The following TERF1 variants were observed in gnomAD, a reference collection of about 807,000 sequenced individuals.
TERF1 encodes the protein telomeric repeat binding factor 1, also known as telomeric repeat-binding factor 1.
A neutral mutation model predicts 55.1 loss-of-function variants in TERF1; 20 were observed. That is an observed-to-expected ratio of 0.36 (90% CI 0.26 to 0.53). The LOEUF is 0.53. TERF1 is among the 20% of genes least tolerant of loss of function. TERF1 has a pLI of 0.91. For synonymous variants in TERF1, 168 were observed against 181.2 expected (o/e 0.93, Z 0.59); for missense variants, 439 against 535.7 (o/e 0.82, Z 1.78).
At chr8:73,033,968 CAG>C (rs1161838464) in intron 8 of TERF1, among the ~76,000 whole-genome samples, 7 of 152,008 alleles carry the variant, frequency 4.6e-5, no homozygotes, top group Non-Finnish European at 5.9e-5. Flanking sequence ...TTTTTGGAGA[CAG>C]AGTCTTACTT....
chr8:73,035,824 A>T (rs1321192738), intron 8 of TERF1, among the ~76,000 whole-genome samples: 1 of 152,100 alleles, frequency 6.6e-6, no homozygotes, highest in East Asian at 1.9e-4. Context: ...TCAACATCCC[A>T]TGTTTGTAGT....
chr8:73,016,781 T>C (rs1011067279), intron 2 of TERF1, among the ~76,000 whole-genome samples: 9 of 152,122 alleles, frequency 5.9e-5, no homozygotes, highest in African/African-American at 1.9e-4. Flanking sequence ...CCAATCATGT[T>C]TGCAGTTTCT....
intron 9 of TERF1, among the ~76,000 whole-genome samples, chr8:73,041,233 A>G (rs567746419): frequency 6.6e-6 from 1 of 152,248 alleles, no homozygotes; most frequent in East Asian, 1.9e-4. Context: ...GTGAGGTTTT[A>G]TGTTTATCTG....
chr8:73,014,825 G>A (rs1389242117), intron 2 of TERF1, among the ~76,000 whole-genome samples: 3 of 152,324 alleles, frequency 2.0e-5, no homozygotes, highest in African/African-American at 7.2e-5. Context: ...TGTTTGGGGG[G>A]TGAGGGTAGG....
chr8:73,016,361 C>T (rs1452841754), intron 2 of TERF1, among the ~76,000 whole-genome samples: 1 of 151,466 alleles, frequency 6.6e-6, no homozygotes, highest in African/African-American at 2.4e-5. Flanking sequence ...TGGCTGTAGA[C>T]CCCCACGTAG....
Position 73,047,281 on chromosome 8 carries a change from C to T in TERF1, c.*1144C>T. 1 of 151,996 alleles carries T rather than the reference C, an allele frequency of 6.6e-6. No homozygotes were observed. Among genetic ancestry groups the T allele is most frequent in the South Asian group, 2.1e-4 (1 of 4,820 alleles). 9.4% of individuals were successfully genotyped at this position (151,996 alleles called of 1,614,324 possible). A position where few individuals can be genotyped will look rare whatever the true frequency, so the allele number is the denominator to read the frequency against. ...AATCATTTTGTGTCTCATTTAGAAA[C>T]AATTTGACTTTTGTTCCAGTGTTTA... On this transcript the variant is annotated 3_prime_UTR_variant, in exon 10 of 10. Transcript: ENST00000276603.
At chr8:73,039,285 A>G (rs1809735224) in intron 9 of TERF1, 66 bp downstream of exon 9, 3 of 1,182,880 alleles carry the variant, frequency 2.5e-6, no homozygotes, top group Admixed American at 5.7e-5. Flanking sequence ...AATAATTGTG[A>G]TTATTTCTGT....
intron 4 of TERF1, among the ~76,000 whole-genome samples, chr8:73,023,728 A>G (rs541709389): frequency 6.6e-6 from 1 of 152,350 alleles, no homozygotes; most frequent in East Asian, 1.9e-4. Context: ...CATTAGGGCA[A>G]TATTAAGTAC....
intron 3 of TERF1, 137 bp downstream of exon 3, chr8:73,020,942 A>G (rs1354462756): frequency 6.2e-6 from 4 of 646,498 alleles, no homozygotes; most frequent in Admixed American, 6.5e-5. Context: ...CCTTTGGTTT[A>G]TAGTCTTAAC....
In TERF1 at chr8:73,032,852, G is replaced by A. The variant is rs578111195; in HGVS notation, c.1039+719G>A. ...TTATTGACCCCACAGTAATATTTTA[G>A]GTACTGAACTGATACTGAGATTTTT... On this transcript the variant is annotated intron_variant, in intron 8 of 9. Transcript: ENST00000276603. Among the ~76,000 whole-genome samples the A allele has an allele frequency of 4.0e-3, 615 of 151,982 alleles. 3 individuals are homozygous for A. Among genetic ancestry groups the A allele is most frequent in the Middle Eastern group, 0.014 (4 of 294 alleles).
chr8:73,024,110 C>G (rs1047851007), intron 4 of TERF1, among the ~76,000 whole-genome samples: 1 of 152,050 alleles, frequency 6.6e-6, no homozygotes, highest in Non-Finnish European at 1.5e-5. Flanking sequence ...AAGCTACTGT[C>G]CAAGAAAAAC....
intron 8 of TERF1, among the ~76,000 whole-genome samples, chr8:73,036,215 C>G (rs1809500192): frequency 6.6e-6 from 1 of 152,154 alleles, no homozygotes. Flanking sequence ...GTACCCTCTC[C>G]CAGGAGAGAG....
At chr8:73,024,119 A>G (rs1276463448) in intron 4 of TERF1, among the ~76,000 whole-genome samples, 2 of 152,218 alleles carry the variant, frequency 1.3e-5, no homozygotes, top group Non-Finnish European at 2.9e-5. Context: ...TCCAAGAAAA[A>G]CACATACAAT....
Position 73,030,390 on chromosome 8 carries a change from A to G in TERF1, c.942A>G (p.Leu314=), listed in dbSNP as rs760878637. ...VTESSEGTVS[L]LRSHKNLFLS... Reference sequence around the variant, plus strand: ...AATCCTCAGAGGGTACAGTATCCTTATTGAGGTGAAGTAAATTGACGTTTT... The same window carrying G: ...AATCCTCAGAGGGTACAGTATCCTTGTTGAGGTGAAGTAAATTGACGTTTT... The change falls in exon 7 of 10, where the codon TTA becomes TTG. Residue 314 remains leucine, a synonymous_variant. Coordinates refer to ENST00000276603, the MANE Select transcript of TERF1 (RefSeq NM_017489.3). 1 of 1,499,968 alleles carries G rather than the reference A, an allele frequency of 6.7e-7. No homozygotes were observed. Among genetic ancestry groups the G allele is most frequent in the Non-Finnish European group, 8.8e-7 (1 of 1,130,804 alleles). The allele number at this position is 1,499,968 out of a possible 1,614,324, so 92.9% of individuals were successfully genotyped here.
At chr8:73,039,315 G>T (rs1809736291) in intron 9 of TERF1, 96 bp downstream of exon 9, 1 of 851,878 alleles carries the variant, frequency 1.2e-6, no homozygotes, top group South Asian at 2.2e-5. Flanking sequence ...CCAAAATTTT[G>T]AGTGTAAAAT....
chr8:73,038,882 A>G lies in TERF1; in HGVS notation c.1040-234A>G, dbSNP rs890077620. ...GGAAAGACAGGTTCAGGGATGTGAA[A>G]TGATTTATTTAAAGACATATAAAAG... On this transcript the variant is annotated intron_variant, in intron 8 of 9. Coordinates refer to ENST00000276603, the MANE Select transcript of TERF1 (RefSeq NM_017489.3). 9 of 529,292 alleles carry G rather than the reference A, an allele frequency of 1.7e-5. No individual in the cohort carries two copies. In the African/African-American group the frequency reaches 1.8e-4, roughly 11 times the overall value. The allele number at this position is 529,292 out of a possible 1,614,324, so 32.8% of individuals were successfully genotyped here.
chr8:73,018,957 G>A (rs1808638520), intron 2 of TERF1: 1 of 152,196 alleles, frequency 6.6e-6, no homozygotes, highest in Non-Finnish European at 1.5e-5. Flanking sequence ...AATTAATGCA[G>A]TGCTCATGAA....
At chr8:73,040,082 C>T (rs923729776) in intron 9 of TERF1, among the ~76,000 whole-genome samples, 4 of 149,004 alleles carry the variant, frequency 2.7e-5, no homozygotes, top group South Asian at 4.2e-4. Flanking sequence ...GCACGCTACT[C>T]GGAATATCTT....
chr8:73,017,991 G>A (rs1808591835), intron 2 of TERF1, among the ~76,000 whole-genome samples: 5 of 152,162 alleles, frequency 3.3e-5, no homozygotes, highest in Admixed American at 3.3e-4. Context: ...TTACAGGCGT[G>A]AGCCACCGCG....
Sources: gnomAD v4.1 joint callset for allele counts (sites outside exome capture counted in the v4.1 genomes callset) on GRCh38, gnomAD v4.1.1 for gene constraint, MANE v1.5 for transcripts, NCBI Gene and HGNC (gene_info 2026-07-23, HGNC 2026-07-21) for gene names.